MATN2: variants seen among roughly 807,000 people sequenced by gnomAD.
The protein encoded by MATN2 is matrilin-2.
MATN2 carries 69 observed loss-of-function variants against 103.2 expected under a neutral mutation model. The ratio of observed to expected loss-of-function variants is 0.67; its 90% CI spans 0.55 to 0.82. The LOEUF (loss-of-function observed/expected upper bound fraction) is 0.82. Among genes scored for constraint, MATN2 ranks in the 40% least tolerant of loss-of-function variants. The pLI is 0.00. For missense variants in MATN2, 1,023 were observed against 1,211.5 expected, an observed-to-expected ratio of 0.84 and a Z score of 2.31; for synonymous variants, 429 against 450.2, an observed-to-expected ratio of 0.95 and a Z score of 0.60.
At chr8:98,029,557 A>AAAT (rs1373435172) in intron 14 of MATN2, among the ~76,000 whole-genome samples, 1 of 152,188 alleles carries the variant, frequency 6.6e-6, no homozygotes, top group Non-Finnish European at 1.5e-5. Context: ...CAGAATCTTA[A>AAAT]AATAGTAGTT....
intron 4 of MATN2, among the ~76,000 whole-genome samples, chr8:97,953,817 C>T (rs1412901493): frequency 7.3e-6 from 1 of 136,340 alleles, no homozygotes; most frequent in Non-Finnish European, 1.6e-5. Context: ...AAAAAGTTAG[C>T]TGGGTATGGT....
At chr8:97,904,134 A>T (rs1024288428) in intron 2 of MATN2, among the ~76,000 whole-genome samples, 7 of 152,348 alleles carry the variant, frequency 4.6e-5, no homozygotes, top group African/African-American at 1.7e-4. Context: ...TATCAAAGTT[A>T]AGTTAGCTTC....
At chr8:97,887,724 A>G (rs1818484461) in intron 1 of MATN2, 1 of 158,888 alleles carries the variant, frequency 6.3e-6, no homozygotes, top group Non-Finnish European at 1.4e-5. Flanking sequence ...TCAGATATGT[A>G]ATAGCTTTTT....
intron 5 of MATN2, among the ~76,000 whole-genome samples, chr8:97,969,083 T>C (rs927334130): frequency 4.6e-5 from 7 of 152,130 alleles, no homozygotes; most frequent in Non-Finnish European, 7.3e-5. Context: ...AGCAAGTATG[T>C]CACATGACAA....
At chr8:97,941,183 A>AT (rs1810549963) in intron 3 of MATN2, among the ~76,000 whole-genome samples, 1 of 50,922 alleles carries the variant, frequency 2.0e-5, no homozygotes, top group Non-Finnish European at 3.5e-5. Flanking sequence ...AAAAAAAAAA[A>AT]AAGAAAGAAA....
chr8:97,886,353 G>A (rs2129972309), intron 1 of MATN2, among the ~76,000 whole-genome samples: 1 of 152,266 alleles, frequency 6.6e-6, no homozygotes, highest in Non-Finnish European at 1.5e-5. Flanking sequence ...TGGGTCTGTG[G>A]AAAAATTGTC....
At chr8:97,910,299 C>A (rs538859316) in intron 2 of MATN2, among the ~76,000 whole-genome samples, 1 of 152,200 alleles carries the variant, frequency 6.6e-6, no homozygotes, top group Admixed American at 6.5e-5. Context: ...CTCAGGTGAT[C>A]CACCTGCCTT....
chr8:98,027,399 T>C lies in MATN2; in HGVS notation c.1943-17T>C. 1.3e-6 allele frequency: 2 copies of C among 1,559,398 alleles called. No individual in the cohort carries two copies. Among genetic ancestry groups the C allele is most frequent in the Non-Finnish European group, 1.7e-6 (2 of 1,148,612 alleles). On this transcript the variant is annotated splice_polypyrimidine_tract_variant and intron_variant, in intron 13 of 18. Transcript: ENST00000254898. ...ATTTTTTATTCAACTATGTCAACTT[T>C]CCTTCTGTTCATATAGAATGCACTG...
At chr8:97,990,627 C>T (rs1812361987) in intron 6 of MATN2, among the ~76,000 whole-genome samples, 1 of 152,170 alleles carries the variant, frequency 6.6e-6, no homozygotes, top group Non-Finnish European at 1.5e-5. Flanking sequence ...TAGTGAAATA[C>T]TACTCTGCAA....
At chr8:98,003,561 C>G in intron 7 of MATN2, 100 bp from the exon 8 acceptor site, 1 of 1,400,658 alleles carries the variant, frequency 7.1e-7, no homozygotes, top group South Asian at 1.2e-5. Flanking sequence ...GCAGCACCCA[C>G]CAGCCCTCTC....
chr8:97,881,467 C>T (rs994656994), intron 1 of MATN2, among the ~76,000 whole-genome samples: 2 of 152,206 alleles, frequency 1.3e-5, no homozygotes, highest in African/African-American at 2.4e-5. Context: ...TCTCTTCCCC[C>T]ACCCCCTTGG....
chr8:97,880,451 C>A (rs1459429164), intron 1 of MATN2, among the ~76,000 whole-genome samples: 1 of 152,134 alleles, frequency 6.6e-6, no homozygotes, highest in Non-Finnish European at 1.5e-5. Context: ...TTGTGAAGAC[C>A]CTGTTTCTCT....
intron 12 of MATN2, 100 bp from the exon 13 acceptor site, chr8:98,021,105 C>A: frequency 8.3e-7 from 1 of 1,206,306 alleles, no homozygotes; most frequent in Non-Finnish European, 1.2e-6. Flanking sequence ...GGTGTATTTT[C>A]TTTAAAAGAG....
chr8:97,935,982 T>G lies in MATN2; in HGVS notation c.712+4460T>G, dbSNP rs532397984. On this transcript the variant is annotated intron_variant, in intron 3 of 18. Transcript: ENST00000254898. ...GTCCTGGCTTTTTTCTCTTTGGCTG[T>G]CTGGCTGTACAATCTTGAGCACAGT... is the stretch of plus-strand genomic sequence containing the variant. Among the ~76,000 whole-genome samples, 13 of 152,306 alleles carry G rather than the reference T, an allele frequency of 8.5e-5. No homozygotes were observed. In the South Asian group the frequency reaches 2.5e-3, roughly 29 times the overall value.
intron 2 of MATN2, among the ~76,000 whole-genome samples, chr8:97,897,697 A>C (rs1818858886): frequency 6.6e-6 from 1 of 152,212 alleles, no homozygotes; most frequent in African/African-American, 2.4e-5. Context: ...GTACAATGAC[A>C]GCTGGAAACA....
At position 98,007,710 on chromosome 8, in the gene MATN2, T is replaced by C. The variant is rs914805581; in HGVS notation, c.1573+109T>C. On this transcript the variant is annotated intron_variant, in intron 10 of 18. Transcript: ENST00000254898. The surrounding 1 kb of genome is among the most constrained non-coding windows in gnomAD (Gnocchi z 4.2). ...TGTGTGTCCTGTCTCCAGGCTTTGC[T>C]GGGCCTGCATGAATGTGTGTGACAG... The C allele has an allele frequency of 7.6e-7, 1 of 1,309,308 alleles. No individual in the cohort carries two copies. Among genetic ancestry groups the C allele is most frequent in the Non-Finnish European group, 1.0e-6 (1 of 954,732 alleles). 81.1% of individuals were successfully genotyped at this position (1,309,308 alleles called of 1,614,324 possible). A position where few individuals can be genotyped will look rare whatever the true frequency, so the allele number is the denominator to read the frequency against.
At chr8:97,907,754 G>A (rs1020956298) in intron 2 of MATN2, among the ~76,000 whole-genome samples, 2 of 152,192 alleles carry the variant, frequency 1.3e-5, no homozygotes, top group South Asian at 2.1e-4. Context: ...TCATAGAGTG[G>A]TTATGAGGAT....
chr8:98,010,519 T>C (rs1051574657), intron 10 of MATN2, among the ~76,000 whole-genome samples: 3 of 152,308 alleles, frequency 2.0e-5, no homozygotes, highest in South Asian at 2.1e-4. Flanking sequence ...TCAGGGAGAC[T>C]GCTGTTGCAG....
chr8:98,026,442 G>T (rs906604460), intron 13 of MATN2, among the ~76,000 whole-genome samples: 2 of 151,830 alleles, frequency 1.3e-5, no homozygotes, highest in East Asian at 3.9e-4. Flanking sequence ...CTTTTTTTAA[G>T]AAAGACAGTC....
Sources: allele counts gnomAD v4.1 joint callset (sites outside exome capture counted in the v4.1 genomes callset), GRCh38; gene constraint gnomAD v4.1.1; non-coding constraint Gnocchi (gnomAD v3.1); transcripts MANE v1.5; gene names NCBI Gene and HGNC (gene_info 2026-07-23, HGNC 2026-07-21).